MSI2: variants seen among roughly 807,000 people sequenced by gnomAD.
MSI2 encodes the protein musashi RNA binding protein 2, also known as RNA-binding protein Musashi homolog 2.
Under a neutral mutation model 45.6 loss-of-function variants are expected in MSI2, and 17 were observed. The ratio of observed to expected loss-of-function variants is 0.37; its 90% CI spans 0.26 to 0.56. MSI2 has a LOEUF of 0.56. Ranked by LOEUF, MSI2 falls within the 20% of genes least tolerant of loss-of-function variation. The pLI is 0.77. For missense variants in MSI2, 293 were observed against 444.2 expected, an observed-to-expected ratio of 0.66 and a Z score of 3.06; for synonymous variants, 156 against 158.2, an observed-to-expected ratio of 0.99 and a Z score of 0.11.
chr17:57,670,619 C>T (rs539703953), intron 11 of MSI2, among the ~76,000 whole-genome samples: 6 of 152,350 alleles, frequency 3.9e-5, no homozygotes, highest in African/African-American at 1.2e-4. Context: ...TCGGTGAGAT[C>T]GGTGTCCTTG....
chr17:57,411,710 T>C (rs1232682313), intron 6 of MSI2, among the ~76,000 whole-genome samples: 2 of 152,106 alleles, frequency 1.3e-5, no homozygotes, highest in Non-Finnish European at 2.9e-5. Context: ...TGTAGTGCCA[T>C]AGAGTTACTA....
intron 8 of MSI2, among the ~76,000 whole-genome samples, chr17:57,599,513 T>C (rs575823514): frequency 1.3e-5 from 2 of 152,334 alleles, no homozygotes; most frequent in East Asian, 3.9e-4. Flanking sequence ...TGTTTCATAT[T>C]TATCGCCTTC....
intron 6 of MSI2, among the ~76,000 whole-genome samples, chr17:57,484,639 G>A (rs914032475): frequency 6.6e-6 from 1 of 152,158 alleles, no homozygotes; most frequent in Non-Finnish European, 1.5e-5. Flanking sequence ...GAAAGCTGAG[G>A]CTTCTCAGAA....
intron 11 of MSI2, among the ~76,000 whole-genome samples, chr17:57,658,428 G>A (rs1229655127): frequency 6.6e-6 from 1 of 152,204 alleles, no homozygotes; most frequent in African/African-American, 2.4e-5. Flanking sequence ...TTCTGGGAGA[G>A]CCAGGACTTT....
chr17:57,581,194 G>A (rs964011681), intron 7 of MSI2, among the ~76,000 whole-genome samples: 2 of 151,794 alleles, frequency 1.3e-5, no homozygotes, highest in African/African-American at 4.8e-5. Flanking sequence ...TGTATTTTTA[G>A]TAGAGATGGG....
intron 10 of MSI2, among the ~76,000 whole-genome samples, chr17:57,639,763 C>T (rs986318035): frequency 5.6e-5 from 8 of 143,586 alleles, no homozygotes; most frequent in African/African-American, 1.8e-4. Flanking sequence ...TAGTGGGGAA[C>T]CTGCTTAGGG....
chr17:57,409,681 T>C (rs1167260305), intron 6 of MSI2, among the ~76,000 whole-genome samples: 1 of 152,134 alleles, frequency 6.6e-6, no homozygotes, highest in East Asian at 1.9e-4. Context: ...ATGTTGATGA[T>C]TACTTGGTAC....
chr17:57,362,805 A>G (rs965617300), intron 5 of MSI2, among the ~76,000 whole-genome samples: 1 of 152,204 alleles, frequency 6.6e-6, no homozygotes, highest in Non-Finnish European at 1.5e-5. Context: ...GAATATTTGT[A>G]TGAAAAAAGA....
At chr17:57,433,563 C>G (rs2084638614) in intron 6 of MSI2, among the ~76,000 whole-genome samples, 1 of 152,198 alleles carries the variant, frequency 6.6e-6, no homozygotes, top group South Asian at 2.1e-4. Context: ...TGGTTTAAGC[C>G]ACCTGGTTGC....
intron 6 of MSI2, among the ~76,000 whole-genome samples, chr17:57,511,044 C>T (rs1321652685): frequency 1.3e-5 from 2 of 150,050 alleles, no homozygotes; most frequent in East Asian, 3.9e-4. Flanking sequence ...CCAGGGGTAT[C>T]AGTCAGTCTT....
At chr17:57,320,421 G>A (rs1913239158) in intron 5 of MSI2, among the ~76,000 whole-genome samples, 2 of 152,152 alleles carry the variant, frequency 1.3e-5, no homozygotes, top group Non-Finnish European at 1.5e-5. Flanking sequence ...ACTTCTTTCA[G>A]GTGCAAGCCA....
At chr17:57,292,452 T>C (rs1910506744) in intron 5 of MSI2, among the ~76,000 whole-genome samples, 1 of 152,120 alleles carries the variant, frequency 6.6e-6, no homozygotes, top group African/African-American at 2.4e-5. Context: ...AACTCTCCCA[T>C]GTGCCTTAGA....
chr17:57,682,936 C>T lies in MSI2; in HGVS notation c.*3419C>T. ...ATGGGGCTGACGGAGATGACCAAGCCTTGGTCTGCTCTCTAGCAGCTTCCA... is the reference window on the plus strand; with the variant it reads ...ATGGGGCTGACGGAGATGACCAAGCTTTGGTCTGCTCTCTAGCAGCTTCCA... On this transcript the variant is annotated 3_prime_UTR_variant, in exon 14 of 14. Transcript: ENST00000284073. 4.4e-6 allele frequency: 1 copy of T among 227,830 alleles called. No homozygotes were observed. The allele number at this position is 227,830 out of a possible 1,614,324, so 14.1% of individuals were successfully genotyped here. A position where few individuals can be genotyped will look rare whatever the true frequency, so the allele number is the denominator to read the frequency against.
chr17:57,383,967 A>G (rs2083642921), intron 5 of MSI2, among the ~76,000 whole-genome samples: 1 of 152,218 alleles, frequency 6.6e-6, no homozygotes, highest in South Asian at 2.1e-4. Context: ...TGGCCCAGCA[A>G]GCACCCAGAT....
intron 6 of MSI2, among the ~76,000 whole-genome samples, chr17:57,409,235 G>A (rs1027227011): frequency 1.3e-5 from 2 of 152,232 alleles, no homozygotes; most frequent in East Asian, 1.9e-4. Context: ...TGAGGCACAC[G>A]GCTGATATTT....
chr17:57,637,742 G>GA, intron 10 of MSI2, among the ~76,000 whole-genome samples: 1 of 152,236 alleles, frequency 6.6e-6, no homozygotes, highest in Admixed American at 6.5e-5. Context: ...TAGTGCTTTA[G>GA]AAAAGGTTAG....
chr17:57,534,015 C>T (rs1338045539), intron 7 of MSI2, among the ~76,000 whole-genome samples: 1 of 152,252 alleles, frequency 6.6e-6, no homozygotes, highest in Non-Finnish European at 1.5e-5. Flanking sequence ...GCCATGTTAG[C>T]AATCTTGATA....
intron 6 of MSI2, among the ~76,000 whole-genome samples, chr17:57,514,041 G>C (rs1300994363): frequency 6.6e-6 from 1 of 152,120 alleles, no homozygotes; most frequent in East Asian, 1.9e-4. Flanking sequence ...GAACCCTTAG[G>C]CTTGAGAGGG....
chr17:57,494,388 C>A (rs2085934673), intron 6 of MSI2, among the ~76,000 whole-genome samples: 1 of 152,098 alleles, frequency 6.6e-6, no homozygotes, highest in Admixed American at 6.6e-5. Context: ...TGTTTTGATT[C>A]TTTTTTGGTG....
Sources: gnomAD v4.1 joint callset for allele counts (sites outside exome capture counted in the v4.1 genomes callset) on GRCh38, gnomAD v4.1.1 for gene constraint, MANE v1.5 for transcripts, NCBI Gene and HGNC (gene_info 2026-07-23, HGNC 2026-07-21) for gene names.